Variants in PDE7A observed in about 807,000 individuals in gnomAD.
The protein encoded by PDE7A is phosphodiesterase 7A, also known as high affinity 3',5'-cyclic-AMP phosphodiesterase 7A.
In PDE7A, 39 loss-of-function variants were observed where a neutral mutation model predicts 64.3. The ratio of observed to expected loss-of-function variants is 0.61; its 90% CI spans 0.47 to 0.79. The LOEUF is 0.79. Ranked by LOEUF, PDE7A falls within the 30% of genes least tolerant of loss-of-function variation. The pLI is 0.00. For synonymous variants in PDE7A, 203 were observed against 206.8 expected (o/e 0.98, Z 0.16); for missense variants, 470 against 582.8 (o/e 0.81, Z 1.99).
intron 4 of PDE7A, among the ~76,000 whole-genome samples, chr8:65,747,275 T>C (rs918763460): frequency 6.6e-6 from 1 of 152,188 alleles, no homozygotes; most frequent in East Asian, 1.9e-4. Context: ...CGCAAACAAG[T>C]CCCTCGTGCT....
chr8:65,796,974 T>C (rs1809859009), intron 1 of PDE7A, among the ~76,000 whole-genome samples: 1 of 152,130 alleles, frequency 6.6e-6, no homozygotes, highest in Admixed American at 6.5e-5. Flanking sequence ...TAATAAAAAT[T>C]AGTACGGTCA....
intron 5 of PDE7A, among the ~76,000 whole-genome samples, chr8:65,740,001 C>T (rs969769498): frequency 6.6e-6 from 1 of 152,116 alleles, no homozygotes; most frequent in Admixed American, 6.5e-5. Flanking sequence ...ACTGACTGCC[C>T]CAGAGCACAC....
rs546766592 is a variant in PDE7A, at chr8:65,824,216, T to C, written c.138+17155A>G. 1.9e-4 allele frequency among the ~76,000 whole-genome samples: 29 copies of C among 152,354 alleles called. No homozygotes were observed. In the South Asian group the frequency reaches 5.4e-3, roughly 28 times the overall value. On this transcript the variant is annotated intron_variant, in intron 1 of 12. Coordinates refer to ENST00000401827, the MANE Select transcript of PDE7A (RefSeq NM_001242318.3). ...TCAAACTTTTTAATTATTGTATTTG[T>C]TATGGTGATCTGTGATAGTGATCTT...
At chr8:65,800,126 C>T (rs1179797661) in intron 1 of PDE7A, among the ~76,000 whole-genome samples, 1 of 152,142 alleles carries the variant, frequency 6.6e-6, no homozygotes, top group Non-Finnish European at 1.5e-5. Context: ...AACATCTGAA[C>T]ATATGTCCCT....
At chr8:65,800,636 G>A (rs1244232818) in intron 1 of PDE7A, among the ~76,000 whole-genome samples, 3 of 152,140 alleles carry the variant, frequency 2.0e-5, no homozygotes, top group Middle Eastern at 3.2e-3. Flanking sequence ...TGTGCCAGGT[G>A]AGTAGGCCCT....
intron 12 of PDE7A, chr8:65,723,321 A>G (rs1351038854): frequency 9.6e-6 from 3 of 313,608 alleles, no homozygotes; most frequent in African/African-American, 6.5e-5. Flanking sequence ...GAAACAAGTT[A>G]TTGCTGCTGC....
intron 1 of PDE7A, among the ~76,000 whole-genome samples, chr8:65,795,486 G>A (rs1229266795): frequency 6.6e-6 from 1 of 152,154 alleles, no homozygotes; most frequent in Admixed American, 6.5e-5. Flanking sequence ...GTATGTGTAG[G>A]ATTAGACTCC....
At chr8:65,818,670 C>G (rs750653661) in intron 1 of PDE7A, among the ~76,000 whole-genome samples, 13 of 152,170 alleles carry the variant, frequency 8.5e-5, no homozygotes, top group Non-Finnish European at 1.5e-4. Flanking sequence ...TTTCAAGTCT[C>G]CTATGTGCAA....
In PDE7A at chr8:65,780,278, G is replaced by T. The variant is rs116764015; in HGVS notation, c.200-475C>A. 7.5e-3 allele frequency among the ~76,000 whole-genome samples: 1,146 copies of T among 152,076 alleles called. 22 individuals carry two copies. The highest frequency in any genetic ancestry group is 0.026 in the African/African-American group (1,083 of 41,478). On this transcript the variant is annotated intron_variant, in intron 2 of 12. Transcript: ENST00000401827. ...CTAGCACTATACTATGGGCTAAAAG[G>T]GATATGAAAAATGGAAAATACATTA...
chr8:65,735,383 A>G (rs779304897), intron 6 of PDE7A, among the ~76,000 whole-genome samples: 2 of 152,048 alleles, frequency 1.3e-5, no homozygotes, highest in Non-Finnish European at 2.9e-5. Flanking sequence ...ATCATGGCTC[A>G]TTGCAGCCCT....
intron 12 of PDE7A, chr8:65,721,770 T>G (rs946884845): frequency 2.0e-5 from 3 of 152,014 alleles, no homozygotes; most frequent in Non-Finnish European, 4.4e-5. Context: ...CCGATTCACC[T>G]GTCTTCGATT....
intron 1 of PDE7A, among the ~76,000 whole-genome samples, chr8:65,798,206 A>ATATTT: frequency 0.026 from 1,909 of 73,726 alleles, 29 homozygotes; most frequent in Non-Finnish European, 0.035. Context: ...ATATATATAT[A>ATATTT]TTTTTTTTTT....
chr8:65,792,477 T>C (rs566825961), intron 1 of PDE7A, among the ~76,000 whole-genome samples: 2 of 152,360 alleles, frequency 1.3e-5, no homozygotes, highest in South Asian at 2.1e-4. Context: ...ATCTTGGCAA[T>C]AGCCTTTAGC....
chr8:65,769,247 CAAAAAAAA>C (rs61554087), intron 3 of PDE7A, among the ~76,000 whole-genome samples: 1 of 74,456 alleles, frequency 1.3e-5, no homozygotes, highest in Non-Finnish European at 2.6e-5. Flanking sequence ...GACTCAGTCT[CAAAAAAAA>C]AAAAAAAAAA....
chr8:65,759,860 AT>A (rs201184630), intron 3 of PDE7A, among the ~76,000 whole-genome samples: 16 of 150,342 alleles, frequency 1.1e-4, no homozygotes, highest in South Asian at 6.3e-4. Context: ...GGTACTCTAG[AT>A]TTTTTTTTTA....
intron 1 of PDE7A, among the ~76,000 whole-genome samples, chr8:65,799,322 T>C (rs1483355075): frequency 1.3e-5 from 2 of 151,928 alleles, no homozygotes; most frequent in South Asian, 2.1e-4. Context: ...TAAAGTTAAA[T>C]TGGGAGCAAC....
chr8:65,755,985 A>G (rs1808223644), intron 3 of PDE7A, among the ~76,000 whole-genome samples: 2 of 152,190 alleles, frequency 1.3e-5, no homozygotes, highest in African/African-American at 4.8e-5. Context: ...TTGTCTGGAA[A>G]TATGTTAAAC....
In PDE7A at chr8:65,747,718, A is replaced by G. The variant is rs762031840; in HGVS notation, c.369T>C (p.Phe123=). The G allele has an allele frequency of 6.2e-7, 1 of 1,611,960 alleles. No individual in the cohort carries two copies. The highest frequency in any genetic ancestry group is 1.7e-5 in the Admixed American group (1 of 59,952). Residue 123 remains phenylalanine, a synonymous_variant, in exon 4 of 13, where the codon TTT becomes TTC. Coordinates refer to ENST00000401827, the MANE Select transcript of PDE7A (RefSeq NM_001242318.3). The stretch of plus-strand genomic sequence containing the variant: ...AATTTGAAACCGCAGTACCACGAAA[A>G]AAGCGTGAAGATCTAAGATATCGCT... ...SFQRYLRSSR[F]FRGTAVSNSL... is the part of the protein sequence containing the mutation.
At chr8:65,799,112 G>A (rs1809928107) in intron 1 of PDE7A, among the ~76,000 whole-genome samples, 1 of 152,084 alleles carries the variant, frequency 6.6e-6, no homozygotes, top group African/African-American at 2.4e-5. Context: ...CTATGGCAAA[G>A]GGCCCCAAAA....
Sources: gnomAD v4.1 joint callset for allele counts (sites outside exome capture counted in the v4.1 genomes callset) on GRCh38, gnomAD v4.1.1 for gene constraint, MANE v1.5 for transcripts, NCBI Gene and HGNC (gene_info 2026-07-23, HGNC 2026-07-21) for gene names.